C10orf90: variants seen among roughly 807,000 people sequenced by gnomAD.
C10orf90 encodes the protein chromosome 10 open reading frame 90, also known as (E2-independent) E3 ubiquitin-conjugating enzyme FATS.
In C10orf90, 56 loss-of-function variants were observed where a neutral mutation model predicts 62.5. The ratio of observed to expected loss-of-function variants is 0.90; its 90% confidence interval spans 0.72 to 1.12. C10orf90 has a LOEUF of 1.12. C10orf90 is among the 50% of genes most tolerant of loss of function. The pLI, the probability that C10orf90 is intolerant of heterozygous loss-of-function variation, is 0.00. For synonymous variants in C10orf90, 386 were observed against 340.4 expected (o/e 1.13, Z -1.47); for missense variants, 970 against 880.4 (o/e 1.10, Z -1.29).
intron 2 of C10orf90, among the ~76,000 whole-genome samples, chr10:126,620,986 A>G (rs1408073663): frequency 1.3e-5 from 2 of 152,188 alleles, no homozygotes; most frequent in Non-Finnish European, 2.9e-5. Flanking sequence ...GTTTTATATT[A>G]CTGCAACCTC....
chr10:126,485,904 G>A lies in C10orf90; in HGVS notation c.1534+18053C>T, dbSNP rs922284688. Among the ~76,000 whole-genome samples the A allele has an allele frequency of 4.6e-5, 7 of 151,328 alleles. No homozygotes were observed. The East Asian group carries it at 5.8e-4, about 13-fold the overall frequency. ...GGAGCTTGCAGTGAGGCGAGTTCGC[G>A]CCACTGCACTCCAGCCTGGGGGACA... On this transcript the variant is annotated intron_variant, in intron 4 of 9. Transcript: ENST00000488181.
intron 2 of C10orf90, among the ~76,000 whole-genome samples, chr10:126,620,830 T>A (rs931066441): frequency 6.6e-6 from 1 of 152,082 alleles, no homozygotes; most frequent in Non-Finnish European, 1.5e-5. Context: ...ATAAAAAAAC[T>A]TCATAAATTT....
chr10:126,454,761 C>T lies in C10orf90; in HGVS notation c.2188+4279G>A, dbSNP rs375518172. 1.1e-4 allele frequency among the ~76,000 whole-genome samples: 16 copies of T among 152,182 alleles called. No homozygotes were observed. In the East Asian group the frequency reaches 1.7e-3, roughly 17 times the overall value. On this transcript the variant is annotated intron_variant, in intron 7 of 9. Transcript: ENST00000488181. ...CAGAGCAATGACAAATTCTGGAACACGCTAATTCCCAGGTTATGGCCGGCC... is the reference window on the plus strand; with the variant it reads ...CAGAGCAATGACAAATTCTGGAACATGCTAATTCCCAGGTTATGGCCGGCC...
At chr10:126,509,665 T>C (rs746051059) in intron 3 of C10orf90, among the ~76,000 whole-genome samples, 5 of 152,210 alleles carry the variant, frequency 3.3e-5, no homozygotes, top group Non-Finnish European at 7.3e-5. Context: ...TTTCCCAGTG[T>C]ATTGTCTCAG....
At chr10:126,458,639 A>G (rs953953618) in intron 7 of C10orf90, among the ~76,000 whole-genome samples, 5 of 152,174 alleles carry the variant, frequency 3.3e-5, no homozygotes, top group African/African-American at 1.2e-4. Flanking sequence ...TTTCAAGATG[A>G]GGAATGTTGA....
chr10:126,630,670 T>C (rs1387029785), intron 2 of C10orf90, among the ~76,000 whole-genome samples: 1 of 152,136 alleles, frequency 6.6e-6, no homozygotes, highest in African/African-American at 2.4e-5. Context: ...TACAAGCAGG[T>C]ACTCCAGTGG....
chr10:126,612,314 G>A (rs1021301885), intron 2 of C10orf90, among the ~76,000 whole-genome samples: 2 of 152,072 alleles, frequency 1.3e-5, no homozygotes, highest in Non-Finnish European at 2.9e-5. Context: ...AAGTGAGACT[G>A]TGTCTTAAAT....
intron 2 of C10orf90, among the ~76,000 whole-genome samples, chr10:126,555,920 T>C (rs1435696439): frequency 1.3e-5 from 2 of 152,182 alleles, no homozygotes. Flanking sequence ...GATATCACTC[T>C]GTCGATGCCA....
At chr10:126,655,916 C>A (rs1023440808) in intron 1 of C10orf90, among the ~76,000 whole-genome samples, 1 of 151,568 alleles carries the variant, frequency 6.6e-6, no homozygotes, top group South Asian at 2.1e-4. Context: ...ATGCCCTGGG[C>A]CTGGGGGGGA....
At chr10:126,472,742 G>A (rs1860644257) in intron 4 of C10orf90, among the ~76,000 whole-genome samples, 1 of 152,292 alleles carries the variant, frequency 6.6e-6, no homozygotes, top group African/African-American at 2.4e-5. Flanking sequence ...GTTGACCAAG[G>A]TCCCCACAGA....
At chr10:126,496,739 T>G in intron 4 of C10orf90, 1 of 983,982 alleles carries the variant, frequency 1.0e-6, no homozygotes. Context: ...AAAGGTAGTT[T>G]GAGGAAGGAA....
chr10:126,667,862 G>A (rs938983881), intron 1 of C10orf90, among the ~76,000 whole-genome samples: 1 of 152,128 alleles, frequency 6.6e-6, no homozygotes, highest in African/African-American at 2.4e-5. Context: ...CTCAGAGTTT[G>A]GGGCATTTTT....
chr10:126,553,412 A>C (rs1864683635), intron 2 of C10orf90, among the ~76,000 whole-genome samples: 1 of 152,224 alleles, frequency 6.6e-6, no homozygotes, highest in African/African-American at 2.4e-5. Flanking sequence ...ACACCTATTA[A>C]TCATCAAAAT....
intron 7 of C10orf90, among the ~76,000 whole-genome samples, chr10:126,444,436 A>T (rs1262831945): frequency 6.6e-6 from 1 of 152,088 alleles, no homozygotes; most frequent in Non-Finnish European, 1.5e-5. Context: ...CTGCAAAAGA[A>T]GTAAAATACT....
chr10:126,528,686 G>A (rs565504489), intron 2 of C10orf90, among the ~76,000 whole-genome samples: 57 of 152,156 alleles, frequency 3.7e-4, no homozygotes, highest in Non-Finnish European at 4.3e-4. Context: ...CCTCATCTGC[G>A]AAATGGGCTC....
intron 2 of C10orf90, among the ~76,000 whole-genome samples, chr10:126,535,970 T>G (rs1864224663): frequency 6.6e-6 from 1 of 152,288 alleles, no homozygotes; most frequent in East Asian, 1.9e-4. Flanking sequence ...AGAATCTAGA[T>G]GTGCACTGAA....
chr10:126,582,235 C>A (rs1844767482), intron 2 of C10orf90, among the ~76,000 whole-genome samples: 1 of 152,164 alleles, frequency 6.6e-6, no homozygotes, highest in African/African-American at 2.4e-5. Context: ...GTACAGCACA[C>A]CTGTGCTGAG....
intron 7 of C10orf90, among the ~76,000 whole-genome samples, chr10:126,446,856 T>C (rs535211982): frequency 1.5e-4 from 23 of 152,128 alleles, no homozygotes; most frequent in Admixed American, 3.3e-4. Context: ...TATAAAAATA[T>C]GTAAACTGTA....
rs1437112130 is a variant in C10orf90, at chr10:126,457,130, A to C, written c.2188+1910T>G. 2.0e-5 allele frequency among the ~76,000 whole-genome samples: 3 copies of C among 152,252 alleles called. No homozygotes were observed. In the South Asian group the frequency reaches 6.2e-4, roughly 32 times the overall value. ...CAGCCTCCCAAGTAGCTGAGACTAC[A>C]GGCATGCACCATCACACCTGGCCAA... is the stretch of plus-strand genomic sequence containing the variant. On this transcript the variant is annotated intron_variant, in intron 7 of 9. Coordinates refer to ENST00000488181, the MANE Select transcript of C10orf90 (RefSeq NM_001350921.2).
Sources: allele counts gnomAD v4.1 joint callset (sites outside exome capture counted in the v4.1 genomes callset), GRCh38; gene constraint gnomAD v4.1.1; transcripts MANE v1.5; gene names NCBI Gene and HGNC (gene_info 2026-07-23, HGNC 2026-07-21).